Variants in SPATA6L observed in about 807,000 individuals in gnomAD.
The protein encoded by SPATA6L is spermatogenesis associated 6 like.
In SPATA6L, 68 loss-of-function variants were observed where a neutral mutation model predicts 49.2. The ratio of observed to expected loss-of-function variants is 1.38; its 90% CI spans 1.14 to 1.69. SPATA6L has a LOEUF of 1.69. Ranked by LOEUF, SPATA6L falls within the 40% of genes most tolerant of loss-of-function variation. The probability of loss-of-function intolerance (pLI) is 0.00; values close to 1 mark genes in which losing one functional copy is unlikely to be tolerated. For missense variants in SPATA6L, 668 were observed against 464.3 expected (o/e 1.44, Z -4.03); for synonymous variants, 198 against 165.7 (o/e 1.19, Z -1.50).
At chr9:4,594,516 A>G (rs984197283), downstream of SPATA6L, among the ~76,000 whole-genome samples, 1 of 152,156 alleles carries the variant, frequency 6.6e-6, no homozygotes, top group African/African-American at 2.4e-5. Context: ...CCAGCGGGGA[A>G]TTGTGTTTTT....
At chr9:4,658,015 G>A (rs1023674363) in intron 2 of SPATA6L, among the ~76,000 whole-genome samples, 22 of 152,060 alleles carry the variant, frequency 1.4e-4, no homozygotes, top group African/African-American at 5.1e-4. Context: ...GAATTACACT[G>A]CCACAAGCCA....
chr9:4,614,073 C>G (rs892020989), intron 9 of SPATA6L, among the ~76,000 whole-genome samples: 6 of 152,144 alleles, frequency 3.9e-5, no homozygotes, highest in Admixed American at 3.3e-4. Context: ...TTGAAGATCT[C>G]AGAGAATGAT....
At chr9:4,615,101 A>G (rs937060003) in intron 9 of SPATA6L, among the ~76,000 whole-genome samples, 20 of 152,180 alleles carry the variant, frequency 1.3e-4, no homozygotes, top group African/African-American at 4.8e-4. Flanking sequence ...ACTCACCTCT[A>G]TGAACCCCAT....
chr9:4,658,409 G>C (rs1481655487), intron 2 of SPATA6L, among the ~76,000 whole-genome samples: 1 of 152,196 alleles, frequency 6.6e-6, no homozygotes, highest in Non-Finnish European at 1.5e-5. Context: ...GTTGCAGCTA[G>C]AGAAGGAAAC....
chr9:4,652,078 A>C (rs745867927), intron 3 of SPATA6L, among the ~76,000 whole-genome samples: 2 of 152,212 alleles, frequency 1.3e-5, no homozygotes, highest in African/African-American at 2.4e-5. Context: ...AACTACTAAA[A>C]CTAATAAACA....
At chr9:4,627,913 G>C (rs1227813583) in intron 5 of SPATA6L, 1 of 795,262 alleles carries the variant, frequency 1.3e-6, no homozygotes, top group African/African-American at 1.8e-5. Context: ...ACACATAATG[G>C]AGTGCTATTC....
At chr9:4,615,204 G>A (rs893843629) in intron 9 of SPATA6L, among the ~76,000 whole-genome samples, 6 of 152,150 alleles carry the variant, frequency 3.9e-5, no homozygotes, top group Admixed American at 1.3e-4. Flanking sequence ...TTATACTCCA[G>A]TAACTTTTGT....
intron 9 of SPATA6L, among the ~76,000 whole-genome samples, chr9:4,610,777 A>C (rs1468933519): frequency 6.6e-6 from 1 of 152,034 alleles, no homozygotes; most frequent in Non-Finnish European, 1.5e-5. Flanking sequence ...CAATGGCAAC[A>C]AAAGCCAAAA....
intron 3 of SPATA6L, among the ~76,000 whole-genome samples, chr9:4,651,320 G>GA (rs753511249): frequency 3.3e-5 from 5 of 152,136 alleles, no homozygotes; most frequent in Non-Finnish European, 5.9e-5. Flanking sequence ...AGAAGAAACA[G>GA]AAAATCTGAA....
intron 11 of SPATA6L, among the ~76,000 whole-genome samples, chr9:4,601,470 G>T (rs1050329295): frequency 6.6e-6 from 1 of 151,746 alleles, no homozygotes; most frequent in Non-Finnish European, 1.5e-5. Flanking sequence ...AAAGTACCAA[G>T]TCCCAAAAGA....
At position 4,656,178 on chromosome 9, in the gene SPATA6L, C is replaced by T. The variant is rs1194676304; in HGVS notation, c.178-89G>A. On this transcript the variant is annotated intron_variant, in intron 2 of 11. Transcript: ENST00000682582. ...TAAATGCCAGGTGCAGTAGCTCACACCTGTAATCCTAGCACTTTGGGAGGC... is the reference window on the plus strand; with the variant it reads ...TAAATGCCAGGTGCAGTAGCTCACATCTGTAATCCTAGCACTTTGGGAGGC... The T allele has an allele frequency of 2.3e-5, 25 of 1,090,710 alleles. No homozygotes were observed. The East Asian group carries it at 5.2e-4, about 23-fold the overall frequency. 67.6% of individuals were successfully genotyped at this position (1,090,710 alleles called of 1,614,324 possible). A position where few individuals can be genotyped will look rare whatever the true frequency, so the allele number is the denominator to read the frequency against.
chr9:4,659,509 G>C (rs973116771), intron 2 of SPATA6L, among the ~76,000 whole-genome samples: 5 of 151,580 alleles, frequency 3.3e-5, no homozygotes, highest in African/African-American at 1.2e-4. Context: ...ACAAACCACT[G>C]ATCAACAAAA....
intron 3 of SPATA6L, among the ~76,000 whole-genome samples, chr9:4,638,278 T>C (rs1237823964): frequency 6.6e-6 from 1 of 152,060 alleles, no homozygotes; most frequent in Admixed American, 6.5e-5. Flanking sequence ...GTGGCACAGT[T>C]TTGGCTCACT....
chr9:4,657,864 A>T (rs376208), intron 2 of SPATA6L, among the ~76,000 whole-genome samples: 92,316 of 151,692 alleles, frequency 0.61, 29,445 homozygotes, highest in African/African-American at 0.81. Flanking sequence ...TTGGTAAATG[A>T]CTCTAGTTTT....
chr9:4,601,537 C>A (rs920238460), intron 11 of SPATA6L, among the ~76,000 whole-genome samples: 1 of 152,180 alleles, frequency 6.6e-6, no homozygotes, highest in Admixed American at 6.5e-5. Context: ...CATTCTCTCC[C>A]TCTACGTGGT....
In SPATA6L at chr9:4,604,263, A is replaced by G; in HGVS notation, c.1096T>C (p.Ser366Pro). Residue 366 changes from serine to proline, a missense_variant, in exon 11 of 12, where the codon TCT becomes CCT. Transcript: ENST00000682582. ...RAQLHQNKEDSTSEVNYIIER... is the reference protein window; with the variant it reads ...RAQLHQNKEDPTSEVNYIIER... Reference sequence around the variant, plus strand: ...ATGATATAATTTACTTCAGAGGTAGAATCTTCCTACAATAAAAACAAATCC... The same window carrying G: ...ATGATATAATTTACTTCAGAGGTAGGATCTTCCTACAATAAAAACAAATCC... 1.9e-6 allele frequency: 3 copies of G among 1,603,542 alleles called. No homozygotes were observed. The highest frequency in any genetic ancestry group is 2.6e-6 in the Non-Finnish European group (3 of 1,171,162).
In SPATA6L at chr9:4,661,944, G is replaced by A; in HGVS notation, c.132C>T (p.Pro44=). Residue 44 remains proline (P), a synonymous_variant, in exon 2 of 12, where the codon CCC becomes CCT. Transcript: ENST00000682582. ...MNQYLETNSF[P]SAFPIMIQES... ...CCTGAATCATAATGGGGAACGCAGA[G>A]GGAAAGCTGTTGGTCTCCAGGTACT... 1 of 1,613,952 alleles carries A rather than the reference G, an allele frequency of 6.2e-7. No individual in the cohort carries two copies. The highest frequency in any genetic ancestry group is 1.7e-5 in the Admixed American group (1 of 60,014).
chr9:4,632,271 G>T (rs946844791), intron 4 of SPATA6L, among the ~76,000 whole-genome samples: 2 of 151,592 alleles, frequency 1.3e-5, no homozygotes, highest in African/African-American at 2.4e-5. Context: ...GCTCTTTTTT[G>T]TGGTATCTCG....
At chr9:4,647,835 GTTT>G (rs35475971) in intron 3 of SPATA6L, among the ~76,000 whole-genome samples, 1 of 78,030 alleles carries the variant, frequency 1.3e-5, no homozygotes, top group Non-Finnish European at 2.2e-5. Flanking sequence ...AAACATTTTA[GTTT>G]TTTTTTTTTT....
Sources: allele counts gnomAD v4.1 joint callset (sites outside exome capture counted in the v4.1 genomes callset), GRCh38; gene constraint gnomAD v4.1.1; transcripts MANE v1.5; gene names NCBI Gene and HGNC (gene_info 2026-07-23, HGNC 2026-07-21).